KSR1: variants seen among roughly 807,000 people sequenced by gnomAD.
KSR1 encodes kinase suppressor of ras.
A neutral mutation model predicts 92.9 loss-of-function variants in KSR1; 35 were observed. That is an observed-to-expected ratio of 0.38 (90% CI 0.29 to 0.50). The LOEUF is 0.50. Ranked by LOEUF, KSR1 falls within the 20% of genes least tolerant of loss-of-function variation. The pLI is 0.94. For missense variants in KSR1, 972 were observed against 1,158.5 expected (o/e 0.84, Z 2.34); for synonymous variants, 467 against 472.6 (o/e 0.99, Z 0.15).
intron 1 of KSR1, among the ~76,000 whole-genome samples, chr17:27,471,658 A>T (rs2020012623): frequency 6.6e-6 from 1 of 152,138 alleles, no homozygotes; most frequent in African/African-American, 2.4e-5. Context: ...GAATTAATGC[A>T]CCAACTCAGC....
rs1598098557 is a variant in KSR1, at chr17:27,590,836, C to A, written c.1072C>A (p.Gln358Lys). Residue 358 changes from glutamine to lysine, a missense_variant, in exon 7 of 21, where the codon CAG becomes AAG. Gln to Lys is a moderately conservative substitution (Grantham distance 53). This residue lies in a region of KSR1 where 611 missense variants were observed against 668.0 expected (regional missense o/e 0.91). Coordinates refer to ENST00000644974, the MANE Select transcript of KSR1 (RefSeq NM_001394583.1). Reference sequence around the variant, plus strand: ...GTTCTCCACCAAGTCCTGGCTGTCGCAGGTCTGCCACGTGTGCCAGAAGAG... The same window carrying A: ...GTTCTCCACCAAGTCCTGGCTGTCGAAGGTCTGCCACGTGTGCCAGAAGAG... ...HRFSTKSWLS[Q>K]VCHVCQKSMI... is the part of the protein sequence containing the mutation. 6.2e-7 allele frequency: 1 copy of A among 1,611,702 alleles called. No homozygotes were observed. The highest frequency in any genetic ancestry group is 2.2e-5 in the East Asian group (1 of 44,820).
intron 1 of KSR1, among the ~76,000 whole-genome samples, chr17:27,491,822 G>A (rs527448229): frequency 1.1e-4 from 17 of 152,134 alleles, no homozygotes; most frequent in East Asian, 3.9e-4. Flanking sequence ...CAGGGGCTCC[G>A]ACTGAAGTTA....
intron 19 of KSR1, among the ~76,000 whole-genome samples, chr17:27,618,377 G>A (rs1016259316): frequency 2.6e-5 from 4 of 152,206 alleles, no homozygotes; most frequent in African/African-American, 9.7e-5. Flanking sequence ...GCTCTGTCAC[G>A]AATGCTCTGT....
chr17:27,526,330 T>C, intron 1 of KSR1: 2 of 1,227,390 alleles, frequency 1.6e-6, no homozygotes, highest in Non-Finnish European at 2.3e-6. Flanking sequence ...CGCAAGTCCA[T>C]GTTCCAGACA....
Position 27,456,683 on chromosome 17 carries a change from A to G in KSR1, c.40A>G (p.Lys14Glu). ...GCTGCGCGCGGCGGCGATGGGAGAG[A>G]AGAAGGAGGGCGGTGGCGGGGGGGA... ...AALRAAAMGE[K>E]KEGGGGGDAA... The change falls in exon 1 of 21, where the codon AAG (lysine) becomes GAG (glutamate). Residue 14 changes from lysine to glutamate, a missense_variant. Lys to Glu is a moderately conservative substitution (Grantham distance 56, BLOSUM62 1). This residue lies in a region of KSR1 where 36 missense variants were observed against 16.0 expected (regional missense o/e 2.25). Coordinates refer to ENST00000644974, the MANE Select transcript of KSR1 (RefSeq NM_001394583.1). The G allele has an allele frequency of 1.4e-6, 1 of 714,940 alleles. No individual in the cohort carries two copies. Among genetic ancestry groups the G allele is most frequent in the Non-Finnish European group, 2.4e-6 (1 of 418,868 alleles). The allele number at this position is 714,940 out of a possible 1,614,324, so 44.3% of individuals were successfully genotyped here.
At chr17:27,597,135 G>A in intron 9 of KSR1, 133 bp from the exon 10 acceptor site, 2 of 969,522 alleles carry the variant, frequency 2.1e-6, no homozygotes, top group Non-Finnish European at 3.1e-6. Flanking sequence ...AATGTTAGAT[G>A]TGTAAAATGT....
chr17:27,591,691 T>C (rs1200174076), intron 7 of KSR1, among the ~76,000 whole-genome samples: 1 of 152,204 alleles, frequency 6.6e-6, no homozygotes, highest in Non-Finnish European at 1.5e-5. Flanking sequence ...CTAGTCTGGG[T>C]CTCCTGTGGC....
At chr17:27,471,463 G>C (rs180819963) in intron 1 of KSR1, among the ~76,000 whole-genome samples, 1 of 152,254 alleles carries the variant, frequency 6.6e-6, no homozygotes, top group Admixed American at 6.5e-5. Context: ...TAGCCTGGAG[G>C]AGTGTTCCCG....
At chr17:27,526,707 G>T in intron 1 of KSR1, 1 of 1,476,412 alleles carries the variant, frequency 6.8e-7, no homozygotes, top group Non-Finnish European at 9.5e-7. Flanking sequence ...GAACACGAGG[G>T]TTCAGGTTGA....
chr17:27,597,340 T>A lies in KSR1; in HGVS notation c.1372T>A (p.Ser458Thr). The change falls in exon 10 of 21, where the codon TCA becomes ACA. Residue 458 changes from serine (S) to threonine (T), a missense_variant. Ser to Thr is a moderately conservative substitution (Grantham distance 58). Coordinates refer to ENST00000644974, the MANE Select transcript of KSR1 (RefSeq NM_001394583.1). ...PSSTTSSTPS[S>T]PAPFPTSSNP... ...CTCCACCACCTCCTCCACACCCTCC[T>A]CACCGGCGCCCTTCCCGACATCATC... The A allele has an allele frequency of 6.2e-7, 1 of 1,612,968 alleles. No individual in the cohort carries two copies. The highest frequency in any genetic ancestry group is 1.7e-5 in the Admixed American group (1 of 59,868).
intron 14 of KSR1, among the ~76,000 whole-genome samples, chr17:27,606,672 T>C (rs2073763642): frequency 6.6e-6 from 1 of 151,992 alleles, no homozygotes; most frequent in African/African-American, 2.4e-5. Context: ...ACTCTCACCA[T>C]GGTCAATTTC....
intron 1 of KSR1, among the ~76,000 whole-genome samples, chr17:27,494,798 ATTGGGCGGTGTCCC>A (rs1448270565): frequency 6.6e-6 from 1 of 152,214 alleles, no homozygotes; most frequent in African/African-American, 2.4e-5. Flanking sequence ...TGAGAGTGCC[ATTGGGCGGTGTCCC>A]TTCCAAGTTC....
At chr17:27,545,586 T>A (rs1385710334) in intron 1 of KSR1, among the ~76,000 whole-genome samples, 1 of 152,192 alleles carries the variant, frequency 6.6e-6, no homozygotes, top group Non-Finnish European at 1.5e-5. Flanking sequence ...GGTCTGCTGG[T>A]GACCAAGAAC....
chr17:27,511,576 G>T (rs944276003), intron 1 of KSR1, among the ~76,000 whole-genome samples: 4 of 152,226 alleles, frequency 2.6e-5, no homozygotes, highest in African/African-American at 9.6e-5. Context: ...TTTCCTGCAG[G>T]ACCTGGGGCG....
intron 1 of KSR1, among the ~76,000 whole-genome samples, chr17:27,530,348 G>A (rs909567347): frequency 3.3e-5 from 5 of 152,084 alleles, no homozygotes; most frequent in South Asian, 2.1e-4. Context: ...AGGAGGCTGC[G>A]GTGGGAGGAT....
chr17:27,571,013 G>T (rs1437691295), intron 2 of KSR1, among the ~76,000 whole-genome samples: 2 of 152,208 alleles, frequency 1.3e-5, no homozygotes, highest in African/African-American at 2.4e-5. Context: ...CCCAAAGAGG[G>T]GCGGGGACTT....
At chr17:27,541,982 T>C (rs2948532) in intron 1 of KSR1, among the ~76,000 whole-genome samples, 62,114 of 152,132 alleles carry the variant, frequency 0.41, 13,320 homozygotes, top group African/African-American at 0.53. Context: ...TTACTCAATG[T>C]TGAATACACA....
In KSR1 at chr17:27,603,382, C is replaced by T. The variant is rs146009994; in HGVS notation, c.1511-452C>T. Among the ~76,000 whole-genome samples, 996 of 152,392 alleles carry T rather than the reference C, an allele frequency of 6.5e-3. 7 individuals are homozygous for T. The highest frequency in any genetic ancestry group is 0.014 in the Middle Eastern group (4 of 294). On this transcript the variant is annotated intron_variant, in intron 11 of 20. Coordinates refer to ENST00000644974, the MANE Select transcript of KSR1 (RefSeq NM_001394583.1). ...GCCACCTGCATGTCCTGCCACCGGC[C>T]TTGCTGGCCAAAGTGAGGGAATCTC...
At chr17:27,515,231 G>A (rs1024123755) in intron 1 of KSR1, among the ~76,000 whole-genome samples, 17 of 152,158 alleles carry the variant, frequency 1.1e-4, no homozygotes, top group Non-Finnish European at 2.1e-4. Context: ...GTCATGTGCC[G>A]CATTGTCAAC....
Sources: gnomAD v4.1 joint callset for allele counts (sites outside exome capture counted in the v4.1 genomes callset) on GRCh38, gnomAD v4.1.1 for gene constraint, gnomAD v4.1.1 regional missense constraint, MANE v1.5 for transcripts, NCBI Gene and HGNC (gene_info 2026-07-23, HGNC 2026-07-21) for gene names.